Variants in GARRE1 observed in about 807,000 individuals in gnomAD.
The protein encoded by GARRE1 is granule associated Rac and RHOG effector protein 1.
A neutral mutation model predicts 103.2 loss-of-function variants in GARRE1; 49 were observed. The ratio of observed to expected loss-of-function variants is 0.47; its 90% CI spans 0.38 to 0.60. The LOEUF (loss-of-function observed/expected upper bound fraction) is 0.60, where lower values mean the gene tolerates loss of function less well. Ranked by LOEUF, GARRE1 falls within the 20% of genes least tolerant of loss-of-function variation. The pLI is 0.00. For missense variants in GARRE1, 1,199 were observed against 1,370.5 expected (o/e 0.87, Z 1.98); for synonymous variants, 505 against 532.8 (o/e 0.95, Z 0.72).
At chr19:34,330,392 T>C in intron 7 of GARRE1, 45 bp downstream of exon 7, 1 of 1,593,546 alleles carries the variant, frequency 6.3e-7, no homozygotes, top group Non-Finnish European at 8.6e-7. Context: ...TACCAAGATG[T>C]TTCAAGCATG....
At position 34,276,193 on chromosome 19, in the gene GARRE1, G is replaced by A. The variant is rs1403163816; in HGVS notation, c.-796+21579G>A. Among the ~76,000 whole-genome samples, 11 of 152,054 alleles carry A rather than the reference G, an allele frequency of 7.2e-5. No homozygotes were observed. The East Asian group carries it at 1.8e-3, about 24-fold the overall frequency. On this transcript the variant is annotated intron_variant, in intron 1 of 13. Transcript: ENST00000299505. ...TGAGTAGCTGGGATTACAGGTGTGC[G>A]CCACCACGCCCAGCTAATTTTTTAT...
chr19:34,325,797 A>G (rs1479619898), intron 3 of GARRE1, among the ~76,000 whole-genome samples: 1 of 152,072 alleles, frequency 6.6e-6, no homozygotes, highest in Admixed American at 6.5e-5. Flanking sequence ...ACTGGGCTCT[A>G]GTTCCTTGGA....
chr19:34,318,941 G>C (rs1035992153), intron 2 of GARRE1, among the ~76,000 whole-genome samples: 1 of 152,136 alleles, frequency 6.6e-6, no homozygotes, highest in East Asian at 1.9e-4. Flanking sequence ...CTTAAACCCA[G>C]GATGTGGAGG....
At chr19:34,269,193 G>A (rs1017804432) in intron 1 of GARRE1, among the ~76,000 whole-genome samples, 1 of 152,220 alleles carries the variant, frequency 6.6e-6, no homozygotes, top group Non-Finnish European at 1.5e-5. Flanking sequence ...GCCATGGTTT[G>A]TGGTGGTAAA....
intron 1 of GARRE1, among the ~76,000 whole-genome samples, chr19:34,284,268 G>A (rs2073873647): frequency 6.6e-6 from 1 of 151,632 alleles, no homozygotes; most frequent in Non-Finnish European, 1.5e-5. Flanking sequence ...GAAATTACCG[G>A]CATGTGCTAC....
chr19:34,298,186 C>A (rs138527585), intron 1 of GARRE1, among the ~76,000 whole-genome samples: 1 of 152,018 alleles, frequency 6.6e-6, no homozygotes, highest in Admixed American at 6.6e-5. Context: ...TGGGCTGAGG[C>A]GGGAGGATCA....
chr19:34,276,893 G>A (rs1028391424), intron 1 of GARRE1, among the ~76,000 whole-genome samples: 1 of 152,184 alleles, frequency 6.6e-6, no homozygotes, highest in Non-Finnish European at 1.5e-5. Context: ...TGTGCCAGGT[G>A]GTAAAGTGTA....
chr19:34,324,833 T>C (rs2074104574), intron 3 of GARRE1, among the ~76,000 whole-genome samples: 1 of 152,206 alleles, frequency 6.6e-6, no homozygotes, highest in Non-Finnish European at 1.5e-5. Flanking sequence ...TCTGTTGAAT[T>C]TGAAGCGTGT....
chr19:34,303,029 G>A (rs1187657631), intron 2 of GARRE1, among the ~76,000 whole-genome samples: 1 of 152,014 alleles, frequency 6.6e-6, no homozygotes, highest in Non-Finnish European at 1.5e-5. Context: ...ACAGGTGTGA[G>A]CCACCACACC....
intron 8 of GARRE1, among the ~76,000 whole-genome samples, chr19:34,334,187 A>G (rs1167109647): frequency 1.3e-5 from 2 of 152,192 alleles, no homozygotes; most frequent in African/African-American, 4.8e-5. Context: ...TCCAACTACA[A>G]TCCTGATGAT....
At chr19:34,347,199 C>T (rs999210802) in intron 10 of GARRE1, among the ~76,000 whole-genome samples, 2 of 152,116 alleles carry the variant, frequency 1.3e-5, no homozygotes, top group Non-Finnish European at 2.9e-5. Flanking sequence ...AGTGATTGTC[C>T]TGCCTCAGCT....
chr19:34,296,441 G>A lies in GARRE1; in HGVS notation c.-795-3238G>A, dbSNP rs973196761. ...CACGAGCACACTTCCCAAGCTTGGG[G>A]TGGGCAATGTAGGCAAGTCGATCGA... is the stretch of plus-strand genomic sequence containing the variant. On this transcript the variant is annotated intron_variant, in intron 1 of 13. Transcript: ENST00000299505. The A allele has an allele frequency of 2.5e-6, 4 of 1,588,238 alleles. No individual in the cohort carries two copies. The African/African-American group carries it at 5.4e-5, about 21-fold the overall frequency.
chr19:34,284,901 A>G (rs905341787), intron 1 of GARRE1, among the ~76,000 whole-genome samples: 1 of 152,258 alleles, frequency 6.6e-6, no homozygotes, highest in South Asian at 2.1e-4. Context: ...AATGATAATA[A>G]TAATAATTAG....
chr19:34,341,387 C>T, intron 9 of GARRE1, 35 bp from the exon 10 acceptor site: 2 of 1,120,520 alleles, frequency 1.8e-6, no homozygotes, highest in South Asian at 1.6e-5. Context: ...ATATATTTGT[C>T]TTTTTTTTTT....
chr19:34,350,157 C>T (rs1453791583), intron 12 of GARRE1, among the ~76,000 whole-genome samples: 2 of 152,186 alleles, frequency 1.3e-5, no homozygotes, highest in Non-Finnish European at 2.9e-5. Context: ...GGTGGATGTT[C>T]TATTTCCAGC....
rs1416672465 is a variant in GARRE1 at position 34,328,162 on chromosome 19, A to G, written c.1104+11A>G. On this transcript the variant is annotated intron_variant, in intron 6 of 13. Transcript: ENST00000299505. ...CTGAAACTTAAGACGGTAGCTTTCC[A>G]TGGGGTTCCAGCAAATGAGTGTGAA... 2 of 1,612,578 alleles carry G rather than the reference A, an allele frequency of 1.2e-6. No individual in the cohort carries two copies. Among genetic ancestry groups the G allele is most frequent in the Non-Finnish European group, 1.7e-6 (2 of 1,179,522 alleles).
chr19:34,294,730 A>T (rs567391683), intron 1 of GARRE1, among the ~76,000 whole-genome samples: 1 of 152,166 alleles, frequency 6.6e-6, no homozygotes, highest in South Asian at 2.1e-4. Context: ...TTTCAGACAG[A>T]GTCTCTCTCT....
At position 34,355,089 on chromosome 19, in the gene GARRE1, G is replaced by A. The variant is rs370689872; in HGVS notation, c.*2134G>A. ...ATGTGTCCACAGTACCCTGTATTTC[G>A]AGTTCCATTATACTGAAGTACTCAT... On this transcript the variant is annotated 3_prime_UTR_variant, in exon 14 of 14. Coordinates refer to ENST00000299505, the MANE Select transcript of GARRE1 (RefSeq NM_014686.5). The A allele has an allele frequency of 3.3e-5, 5 of 152,532 alleles. No homozygotes were observed. The highest frequency in any genetic ancestry group is 9.7e-5 in the African/African-American group (4 of 41,414). 9.4% of individuals were successfully genotyped at this position (152,532 alleles called of 1,614,324 possible).
At chr19:34,320,796 A>G (rs1568305698) in intron 3 of GARRE1, among the ~76,000 whole-genome samples, 3 of 150,148 alleles carry the variant, frequency 2.0e-5, no homozygotes, top group East Asian at 1.9e-4. Flanking sequence ...ATCAAGTCTC[A>G]CTACAGCCTG....
Sources: allele counts gnomAD v4.1 joint callset (sites outside exome capture counted in the v4.1 genomes callset), GRCh38; gene constraint gnomAD v4.1.1; transcripts MANE v1.5; gene names NCBI Gene and HGNC (gene_info 2026-07-23, HGNC 2026-07-21).